Variants in MAGI2 observed in about 807,000 individuals in gnomAD.
The protein encoded by MAGI2 is membrane-associated guanylate kinase, WW and PDZ domain-containing protein 2.
MAGI2 carries 35 observed loss-of-function variants against 133.3 expected under a neutral mutation model. The observed-to-expected ratio is 0.26, with a 90% CI of 0.20 to 0.35. The LOEUF is 0.35. Among genes scored for constraint, MAGI2 ranks in the 10% least tolerant of loss-of-function variants. MAGI2 has a pLI of 1.00. For missense variants in MAGI2, 1,636 were observed against 1,863.4 expected, an observed-to-expected ratio of 0.88 and a Z score of 2.25; for synonymous variants, 729 against 710.6, an observed-to-expected ratio of 1.03 and a Z score of -0.41.
At chr7:79,040,520 T>C (rs1456496104) in intron 1 of MAGI2, among the ~76,000 whole-genome samples, 8 of 152,218 alleles carry the variant, frequency 5.3e-5, no homozygotes, top group Non-Finnish European at 1.0e-4. Flanking sequence ...TACAGTTAGA[T>C]AGAAGGAAAC....
chr7:78,355,793 T>C (rs1792016379), intron 7 of MAGI2, among the ~76,000 whole-genome samples: 1 of 152,230 alleles, frequency 6.6e-6, no homozygotes. Flanking sequence ...AATTGGAAAC[T>C]TTAAAAACAT....
chr7:78,325,789 T>A (rs73152071), intron 9 of MAGI2, among the ~76,000 whole-genome samples: 2 of 152,154 alleles, frequency 1.3e-5, no homozygotes, highest in African/African-American at 4.8e-5. Flanking sequence ...AGCCCATTGG[T>A]GCAGTGAATA....
intron 10 of MAGI2, among the ~76,000 whole-genome samples, chr7:78,223,623 T>C (rs1789052810): frequency 6.6e-6 from 1 of 152,152 alleles, no homozygotes; most frequent in African/African-American, 2.4e-5. Flanking sequence ...AAAATAACCA[T>C]TAAAAATGTT....
chr7:79,108,928 T>C (rs1363396117), intron 1 of MAGI2, among the ~76,000 whole-genome samples: 1 of 152,170 alleles, frequency 6.6e-6, no homozygotes, highest in Non-Finnish European at 1.5e-5. Flanking sequence ...GCTTTAGTCA[T>C]GTGACATGCT....
At chr7:78,299,723 C>T (rs554978062) in intron 9 of MAGI2, among the ~76,000 whole-genome samples, 65 of 152,180 alleles carry the variant, frequency 4.3e-4, no homozygotes, top group African/African-American at 1.5e-3. Flanking sequence ...GCCCGGTATC[C>T]ACTAGCTATT....
chr7:78,209,338 T>G (rs1240955003), intron 10 of MAGI2, among the ~76,000 whole-genome samples: 1 of 139,974 alleles, frequency 7.1e-6, no homozygotes, highest in East Asian at 2.4e-4. Context: ...CTCGGCTCAC[T>G]GCAAGCTCCG....
At position 79,104,187 on chromosome 7, in the gene MAGI2, C is replaced by T. The variant is rs373879812; in HGVS notation, c.302-96981G>A. On this transcript the variant is annotated intron_variant, in intron 1 of 21. Coordinates refer to ENST00000354212, the MANE Select transcript of MAGI2 (RefSeq NM_012301.4). ...TAATCACACCTCAAGTAAGGAGCCC[C>T]CTGTCATACTTAAGCCAAATTAAAT... Among the ~76,000 whole-genome samples, 8 of 152,186 alleles carry T rather than the reference C, an allele frequency of 5.3e-5. No homozygotes were observed. In the East Asian group the frequency reaches 1.5e-3, roughly 29 times the overall value.
chr7:78,407,593 C>A (rs1274604514), intron 6 of MAGI2, among the ~76,000 whole-genome samples: 3 of 151,368 alleles, frequency 2.0e-5, no homozygotes, highest in African/African-American at 7.3e-5. Context: ...GGTCAAGTTA[C>A]CAACAAATGG....
chr7:78,039,592 C>T (rs1810588753), intron 21 of MAGI2: 1 of 152,224 alleles, frequency 6.6e-6, no homozygotes, highest in South Asian at 2.1e-4. Context: ...TGTGGATGAT[C>T]TTTCCTTTAC....
At chr7:79,168,345 A>G (rs995880503) in intron 1 of MAGI2, among the ~76,000 whole-genome samples, 3 of 152,038 alleles carry the variant, frequency 2.0e-5, no homozygotes, top group Non-Finnish European at 4.4e-5. Flanking sequence ...TATTTTGCTA[A>G]ATGATTGTGT....
At chr7:79,447,948 G>A (rs1046326975) in intron 1 of MAGI2, among the ~76,000 whole-genome samples, 2 of 151,760 alleles carry the variant, frequency 1.3e-5, no homozygotes, top group African/African-American at 4.8e-5. Context: ...AGAAGTAAAA[G>A]TTCAACAGCA....
intron 2 of MAGI2, among the ~76,000 whole-genome samples, chr7:78,662,696 G>C (rs1448231310): frequency 6.6e-6 from 1 of 152,092 alleles, no homozygotes; most frequent in African/African-American, 2.4e-5. Context: ...AAAAATTAAG[G>C]TTTCATAAAA....
intron 1 of MAGI2, among the ~76,000 whole-genome samples, chr7:79,318,398 T>C (rs1218592070): frequency 6.6e-6 from 1 of 152,048 alleles, no homozygotes; most frequent in South Asian, 2.1e-4. Context: ...AGGAAAGCCA[T>C]AAAAAACACA....
intron 1 of MAGI2, among the ~76,000 whole-genome samples, chr7:79,060,946 T>C (rs1813670943): frequency 6.6e-6 from 1 of 152,146 alleles, no homozygotes; most frequent in South Asian, 2.1e-4. Flanking sequence ...GGCTCCAGAA[T>C]TTCTATCTGA....
intron 3 of MAGI2, chr7:78,568,362 T>C (rs1009091030): frequency 1.3e-5 from 2 of 152,250 alleles, no homozygotes; most frequent in Non-Finnish European, 2.9e-5. Flanking sequence ...CACACCTGAA[T>C]GTGGACGTCT....
chr7:79,095,365 G>A (rs920414711), intron 1 of MAGI2, among the ~76,000 whole-genome samples: 9 of 152,136 alleles, frequency 5.9e-5, no homozygotes, highest in Non-Finnish European at 1.0e-4. Context: ...CACTGGAGTC[G>A]CACTTTTAAT....
intron 1 of MAGI2, among the ~76,000 whole-genome samples, chr7:79,071,375 G>A (rs112210107): frequency 0.014 from 2,109 of 152,102 alleles, 53 homozygotes; most frequent in African/African-American, 0.048. Flanking sequence ...CCTGTATGAG[G>A]TGTCTGTTGG....
chr7:79,266,728 A>G (rs1834487080), intron 1 of MAGI2, among the ~76,000 whole-genome samples: 1 of 152,168 alleles, frequency 6.6e-6, no homozygotes, highest in African/African-American at 2.4e-5. Context: ...CTTTTTAAAC[A>G]GTTGGTCAAG....
intron 10 of MAGI2, 57 bp from the exon 11 acceptor site, chr7:78,201,250 G>A: frequency 3.5e-5 from 28 of 808,246 alleles, no homozygotes; most frequent in Non-Finnish European, 4.8e-5. Flanking sequence ...GCCACTTATG[G>A]GTGGCACGAT....
Sources: gnomAD v4.1 joint callset for allele counts (sites outside exome capture counted in the v4.1 genomes callset) on GRCh38, gnomAD v4.1.1 for gene constraint, MANE v1.5 for transcripts, NCBI Gene and HGNC (gene_info 2026-07-23, HGNC 2026-07-21) for gene names.